NDUFAF6: variants seen among roughly 807,000 people sequenced by gnomAD.
NDUFAF6 encodes NADH:ubiquinone oxidoreductase complex assembly factor 6, also known as NADH dehydrogenase (ubiquinone) complex I, assembly factor 6.
A neutral mutation model predicts 40.8 loss-of-function variants in NDUFAF6; 45 were observed. The observed-to-expected ratio is 1.10, with a 90% confidence interval of 0.87 to 1.42. The LOEUF (loss-of-function observed/expected upper bound fraction) is 1.42. NDUFAF6 is among the 40% of genes most tolerant of loss of function. The probability of loss-of-function intolerance (pLI) is 0.00; values close to 1 mark genes in which losing one functional copy is unlikely to be tolerated. For synonymous variants in NDUFAF6, 185 were observed against 155.9 expected (o/e 1.19, Z -1.39); for missense variants, 435 against 418.5 (o/e 1.04, Z -0.34).
chr8:94,900,836 A>G (rs1049155368), intron 1 of NDUFAF6, among the ~76,000 whole-genome samples: 3 of 152,158 alleles, frequency 2.0e-5, no homozygotes, highest in African/African-American at 7.2e-5. Context: ...AGGGGCGGGG[A>G]GTGATCTGGG....
chr8:94,900,685 A>T (rs982630232), intron 1 of NDUFAF6, among the ~76,000 whole-genome samples: 1 of 152,182 alleles, frequency 6.6e-6, no homozygotes, highest in Non-Finnish European at 1.5e-5. Context: ...ACTGAGGAGG[A>T]TATGGAAGTC....
At chr8:94,956,874 A>T (rs1215198025), upstream of NDUFAF6, among the ~76,000 whole-genome samples, 2 of 152,162 alleles carry the variant, frequency 1.3e-5, no homozygotes, top group Non-Finnish European at 2.9e-5. Flanking sequence ...TAATGATACT[A>T]TTAAAGGGAA....
intron 9 of NDUFAF6, among the ~76,000 whole-genome samples, chr8:95,072,200 G>A (rs1196207712): frequency 6.6e-6 from 1 of 152,016 alleles, no homozygotes; most frequent in African/African-American, 2.4e-5. Flanking sequence ...AAGACACAGG[G>A]CCGTTATGTT....
chr8:94,968,398 G>A (rs1203179800), intron 1 of NDUFAF6, among the ~76,000 whole-genome samples: 6 of 152,186 alleles, frequency 3.9e-5, no homozygotes, highest in Non-Finnish European at 8.8e-5. Context: ...GAAAATCAAC[G>A]CAGAGTAAGG....
intron 9 of NDUFAF6, among the ~76,000 whole-genome samples, chr8:95,074,798 C>A (rs1052340458): frequency 6.6e-6 from 1 of 152,120 alleles, no homozygotes; most frequent in African/African-American, 2.4e-5. Context: ...TACTTCCTCA[C>A]TGGTTTCCTG....
At chr8:94,923,102 A>G (rs1819616452) in intron 1 of NDUFAF6, among the ~76,000 whole-genome samples, 1 of 152,212 alleles carries the variant, frequency 6.6e-6, no homozygotes, top group African/African-American at 2.4e-5. Context: ...ACATGCGACC[A>G]TGAGAATGGC....
At chr8:94,952,177 A>C (rs2131429024) in intron 2 of NDUFAF6, among the ~76,000 whole-genome samples, 1 of 152,264 alleles carries the variant, frequency 6.6e-6, no homozygotes, top group African/African-American at 2.4e-5. Flanking sequence ...TGTTTGGAAG[A>C]CTCACAGTGC....
intron 5 of NDUFAF6, 64 bp downstream of exon 5, chr8:95,045,711 TCATAA>T: frequency 7.2e-7 from 1 of 1,384,932 alleles, no homozygotes; most frequent in Non-Finnish European, 1.0e-6. Context: ...TTTCACTTTT[TCATAA>T]TTTGGTAATC....
intron 1 of NDUFAF6, among the ~76,000 whole-genome samples, chr8:94,898,084 G>T (rs1817768481): frequency 6.6e-6 from 1 of 152,056 alleles, no homozygotes; most frequent in Non-Finnish European, 1.5e-5. Flanking sequence ...GGTGGAACAG[G>T]ACTTCCATAT....
chr8:95,116,420 A>T, exon 6 of NDUFAF6: 1 of 152,220 alleles, frequency 6.6e-6, no homozygotes, highest in Non-Finnish European at 1.5e-5. Flanking sequence ...TGGTGCGATC[A>T]TGGCTCACTG....
downstream of NDUFAF6, among the ~76,000 whole-genome samples, chr8:95,062,860 C>T (rs1179801097): frequency 2.0e-5 from 3 of 152,132 alleles, no homozygotes; most frequent in Non-Finnish European, 4.4e-5. Context: ...AATGAACATG[C>T]TGTAGTATAA....
intron 2 of NDUFAF6, chr8:94,988,846 AG>A (rs1826062154): frequency 6.6e-6 from 1 of 152,250 alleles, no homozygotes. Context: ...AATCTTGTTC[AG>A]CTGTGAGAAG....
intron 1 of NDUFAF6, among the ~76,000 whole-genome samples, chr8:94,976,212 A>AC (rs1452080040): frequency 1.9e-4 from 7 of 36,118 alleles, no homozygotes; most frequent in African/African-American, 9.0e-4. Flanking sequence ...AAAAAAAAAT[A>AC]CTGATGTTTG....
intron 8 of NDUFAF6, 152 bp from the exon 9 acceptor site, chr8:95,057,657 C>CT: frequency 1.6e-6 from 1 of 642,582 alleles, no homozygotes. Flanking sequence ...ATGTCTTTTT[C>CT]TTTCTCTCTT....
chr8:94,914,624 G>A (rs73697046), intron 1 of NDUFAF6, among the ~76,000 whole-genome samples: 3,703 of 152,214 alleles, frequency 0.024, 125 homozygotes, highest in African/African-American at 0.083. Context: ...CTGTTGATTT[G>A]CTCAAGACTA....
At chr8:95,116,255 T>G (rs536093164) in intron 5 of NDUFAF6, 2 of 152,332 alleles carry the variant, frequency 1.3e-5, no homozygotes, top group South Asian at 2.1e-4. Flanking sequence ...TTAAAGTTTT[T>G]TTTTTTTTTT....
intron 2 of NDUFAF6, chr8:94,981,001 T>C (rs1825397670): frequency 2.2e-6 from 1 of 456,422 alleles, no homozygotes; most frequent in Admixed American, 2.4e-5. Flanking sequence ...ATCAGTTAAA[T>C]TAGTGCCAGC....
chr8:95,031,712 G>A (rs568442076), intron 1 of NDUFAF6, among the ~76,000 whole-genome samples: 174 of 152,192 alleles, frequency 1.1e-3, no homozygotes, highest in Non-Finnish European at 2.1e-3. Flanking sequence ...GCAGTTCTCG[G>A]GCCTCAGCCA....
At chr8:94,929,754 G>A (rs2131306145) in intron 1 of NDUFAF6, 1 of 152,272 alleles carries the variant, frequency 6.6e-6, no homozygotes, top group East Asian at 1.9e-4. Context: ...AATCTCACAG[G>A]TCTAATTTAA....
Sources: allele counts gnomAD v4.1 joint callset (sites outside exome capture counted in the v4.1 genomes callset), GRCh38; gene constraint gnomAD v4.1.1; transcripts MANE v1.5; gene names NCBI Gene and HGNC (gene_info 2026-07-23, HGNC 2026-07-21).